Variants in SPART observed in about 807,000 individuals in gnomAD.
The protein encoded by SPART is spartin.
In SPART, 35 loss-of-function variants were observed where a neutral mutation model predicts 58.7. The observed-to-expected ratio is 0.60, with a 90% confidence interval of 0.46 to 0.79. The LOEUF (loss-of-function observed/expected upper bound fraction) is 0.79, where lower values mean the gene tolerates loss of function less well. Among genes scored for constraint, SPART ranks in the 30% least tolerant of loss-of-function variants. SPART has a pLI of 0.00. For synonymous variants in SPART, 284 were observed against 280.7 expected, an observed-to-expected ratio of 1.01 and a Z score of -0.12; for missense variants, 730 against 786.1, an observed-to-expected ratio of 0.93 and a Z score of 0.85.
In SPART at chr13:36,331,402, G is replaced by A. The variant is rs376109811; in HGVS notation, c.1005C>T (p.Leu335=). 1 of 1,613,962 alleles carries A rather than the reference G, an allele frequency of 6.2e-7. No homozygotes were observed. Among genetic ancestry groups the A allele is most frequent in the Non-Finnish European group, 8.5e-7 (1 of 1,179,890 alleles). The change falls in exon 3 of 9, where the codon CTC becomes CTT. Residue 335 remains leucine, a synonymous_variant. Coordinates refer to ENST00000438666, the MANE Select transcript of SPART (RefSeq NM_015087.5). ...DLLRQMSDLR[L]QANWNRAEEE... Reference sequence around the variant, plus strand: ...TAAAGATGATCACACAAGTTACCTGGAGCCGAAGGTCAGACATTTGCCTTA... The same window carrying A: ...TAAAGATGATCACACAAGTTACCTGAAGCCGAAGGTCAGACATTTGCCTTA...
chr13:36,331,590 C>T lies in SPART; in HGVS notation c.817G>A (p.Asp273Asn). The T allele has an allele frequency of 1.2e-6, 2 of 1,612,658 alleles. No individual in the cohort carries two copies. The highest frequency in any genetic ancestry group is 1.7e-6 in the Non-Finnish European group (2 of 1,179,114). Reference sequence around the variant, plus strand: ...TCAGGAACTAGAGGATATAACCAGTCACAAACCTGAAAGGATTCATTAGAA... The same window carrying T: ...TCAGGAACTAGAGGATATAACCAGTTACAAACCTGAAAGGATTCATTAGAA... ...NRPPGFLQVC[D>N]WLYPLVPDRS... is the part of the protein sequence containing the mutation. The change falls in exon 3 of 9, where the codon GAC becomes AAC. Residue 273 changes from aspartate to asparagine, a missense_variant. Transcript: ENST00000438666.
In SPART at chr13:36,335,405, A is replaced by G; in HGVS notation, c.426T>C (p.Asn142=). The G allele has an allele frequency of 6.2e-7, 1 of 1,614,084 alleles. No individual in the cohort carries two copies. Among genetic ancestry groups the G allele is most frequent in the Non-Finnish European group, 8.5e-7 (1 of 1,179,996 alleles). Residue 142 remains asparagine, a synonymous_variant, in exon 2 of 9, where the codon AAT becomes AAC. Coordinates refer to ENST00000438666, the MANE Select transcript of SPART (RefSeq NM_015087.5). ...CTGCACTTGGAGTTGAGGTGTTTCCATTTACTTCAGCATGCTGAGGAGCTG... is the reference window on the plus strand; with the variant it reads ...CTGCACTTGGAGTTGAGGTGTTTCCGTTTACTTCAGCATGCTGAGGAGCTG... ...FSSAPQHAEV[N]GNTSTPSAGA...
chr13:36,313,376 G>A (rs925793222), intron 6 of SPART, among the ~76,000 whole-genome samples: 5 of 152,148 alleles, frequency 3.3e-5, no homozygotes, highest in South Asian at 2.1e-4. Context: ...CACCACAGCC[G>A]CCATAACATC....
chr13:36,304,652 G>A lies in SPART; in HGVS notation c.1734-20C>T. The A allele has an allele frequency of 6.2e-7, 1 of 1,611,232 alleles. No homozygotes were observed. Among genetic ancestry groups the A allele is most frequent in the Non-Finnish European group, 8.5e-7 (1 of 1,178,272 alleles). On this transcript the variant is annotated intron_variant, in intron 8 of 8. Transcript: ENST00000438666. ...CCGTATCTTTAAAAGAAAGATTAGA[G>A]GACATACAATGAAACAATAAATATA...
chr13:36,320,755 C>T (rs1173707676), intron 5 of SPART, among the ~76,000 whole-genome samples: 1 of 152,142 alleles, frequency 6.6e-6, no homozygotes, highest in African/African-American at 2.4e-5. Context: ...AGAGTCCTTT[C>T]CTACAGGGTC....
At chr13:36,350,064 T>C (rs1885352659), upstream of SPART, among the ~76,000 whole-genome samples, 3 of 152,330 alleles carry the variant, frequency 2.0e-5, no homozygotes, top group South Asian at 6.2e-4. Context: ...TTTGGAAACA[T>C]GTAAAAAGCC....
chr13:36,319,031 C>T (rs945057033), intron 5 of SPART, among the ~76,000 whole-genome samples: 26 of 152,106 alleles, frequency 1.7e-4, no homozygotes, highest in South Asian at 2.1e-4. Flanking sequence ...CGGAGGCTAC[C>T]CACTCCACAT....
chr13:36,358,942 T>TG (rs1885728774), intron 1 of SPART, among the ~76,000 whole-genome samples: 1 of 152,284 alleles, frequency 6.6e-6, no homozygotes, highest in Non-Finnish European at 1.5e-5. Context: ...AATATTGTTT[T>TG]GGGGGGCCAA....
intron 1 of SPART, among the ~76,000 whole-genome samples, chr13:36,343,803 A>C (rs993696394): frequency 6.6e-6 from 1 of 152,208 alleles, no homozygotes; most frequent in Admixed American, 6.5e-5. Flanking sequence ...TGTTTTACAA[A>C]TATTGAGCAG....
At chr13:36,346,716 C>T (rs946323854), upstream of SPART, 2 of 152,900 alleles carry the variant, frequency 1.3e-5, no homozygotes, top group African/African-American at 4.8e-5. Flanking sequence ...GCGCAGACCC[C>T]CCCAGGCACG....
chr13:36,311,922 T>C (rs146973284), intron 8 of SPART, among the ~76,000 whole-genome samples: 246 of 151,578 alleles, frequency 1.6e-3, no homozygotes, highest in Middle Eastern at 6.8e-3. Context: ...ACCCCATTTC[T>C]ACTAAAAAAA....
intron 6 of SPART, 107 bp from the exon 7 acceptor site, chr13:36,312,584 T>C (rs1881248242): frequency 2.5e-6 from 3 of 1,194,128 alleles, no homozygotes; most frequent in Admixed American, 1.9e-5. Flanking sequence ...TGTTTTACTA[T>C]ATAATGTTAC....
intron 5 of SPART, among the ~76,000 whole-genome samples, 177 bp from the exon 6 acceptor site, chr13:36,314,598 A>C (rs1247615699): frequency 6.6e-6 from 1 of 152,234 alleles, no homozygotes; most frequent in Non-Finnish European, 1.5e-5. Context: ...CTGAATACTT[A>C]GTGACACAGT....
chr13:36,356,369 C>G (rs540436534), intron 1 of SPART, among the ~76,000 whole-genome samples: 37 of 152,304 alleles, frequency 2.4e-4, no homozygotes, highest in African/African-American at 7.2e-4. Context: ...ATTCATCCAT[C>G]ATTGGGTCAG....
intron 1 of SPART, among the ~76,000 whole-genome samples, chr13:36,339,595 C>T (rs1289342156): frequency 1.6e-5 from 2 of 127,860 alleles, no homozygotes; most frequent in African/African-American, 5.9e-5. Context: ...CATGCCACTG[C>T]ACTCCAGCCT....
At chr13:36,315,536 C>T (rs1566113220) in intron 5 of SPART, among the ~76,000 whole-genome samples, 1 of 152,088 alleles carries the variant, frequency 6.6e-6, no homozygotes, top group Non-Finnish European at 1.5e-5. Flanking sequence ...TGAAAAGTGA[C>T]ATGTAATAAA....
At chr13:36,312,969 A>G (rs1171095849) in intron 6 of SPART, among the ~76,000 whole-genome samples, 2 of 151,990 alleles carry the variant, frequency 1.3e-5, no homozygotes, top group Non-Finnish European at 2.9e-5. Context: ...CTCGGTGAAT[A>G]AAAGTAAACA....
intron 3 of SPART, among the ~76,000 whole-genome samples, chr13:36,329,997 C>A (rs1215667099): frequency 6.6e-6 from 1 of 152,128 alleles, no homozygotes; most frequent in Admixed American, 6.5e-5. Flanking sequence ...AAAATTATAG[C>A]TAGTAACTAG....
At chr13:36,313,816 T>A (rs944602307) in intron 6 of SPART, among the ~76,000 whole-genome samples, 2 of 152,222 alleles carry the variant, frequency 1.3e-5, no homozygotes, top group Non-Finnish European at 2.9e-5. Context: ...AATCACCTAA[T>A]GACACATTTC....
Sources: gnomAD v4.1 joint callset for allele counts (sites outside exome capture counted in the v4.1 genomes callset) on GRCh38, gnomAD v4.1.1 for gene constraint, MANE v1.5 for transcripts, NCBI Gene and HGNC (gene_info 2026-07-23, HGNC 2026-07-21) for gene names.